The following RGPD5 variants were observed in gnomAD, a reference collection of about 807,000 sequenced individuals.
The protein encoded by RGPD5 is RANBP2 like and GRIP domain containing 5, also known as RANBP2-like and GRIP domain-containing protein 5/6.
chr2:109,764,218 C>T, the RGPD5 span, among the ~76,000 whole-genome samples: 1 of 149,744 alleles, frequency 6.7e-6, no homozygotes, highest in African/African-American at 2.5e-5. Flanking sequence ...GTTCATTCAG[C>T]ACCCGACACT....
chr2:109,794,674 C>G (rs1175854220), intron 1 of RGPD5, 137 bp downstream of exon 1: 1 of 720,992 alleles, frequency 1.4e-6, no homozygotes, highest in Non-Finnish European at 1.6e-6. Context: ...GGCGCTGCTC[C>G]GTGGCGCGCT....
At chr2:109,774,515 A>ATAAAATATATAT in the RGPD5 span, among the ~76,000 whole-genome samples, 1 of 70,014 alleles carries the variant, frequency 1.4e-5, no homozygotes, top group South Asian at 4.7e-4. Context: ...TATATATATA[A>ATAAAATATATAT]TATATATTAT....
At chr2:109,794,614 G>GGGCGGCGGCGGC (rs1176515402) in intron 1 of RGPD5, 77 bp downstream of exon 1, 2 of 72,260 alleles carry the variant, frequency 2.8e-5, no homozygotes, top group Admixed American at 7.8e-4. Context: ...GCGGCGGGGG[G>GGGCGGCGGCGGC]GGCGGCGGCG....
the RGPD5 span, among the ~76,000 whole-genome samples, chr2:109,760,753 G>A: frequency 1.4e-5 from 2 of 144,154 alleles, no homozygotes; most frequent in Admixed American, 7.1e-5. Flanking sequence ...CTCCAGGAAT[G>A]GGACCTCGAG....
At chr2:109,794,573 A>ACCCCGG (rs1676849158) in intron 1 of RGPD5, 36 bp downstream of exon 1, 2 of 14,206 alleles carry the variant, frequency 1.4e-4, no homozygotes, top group South Asian at 4.1e-3. Context: ...GGCGGCCTCG[A>ACCCCGG]CCCGGCCGGG....
the RGPD5 span, among the ~76,000 whole-genome samples, chr2:109,774,513 T>TATATATAA: frequency 1.0e-4 from 7 of 67,112 alleles, no homozygotes; most frequent in Non-Finnish European, 1.5e-4. Flanking sequence ...TATATATATA[T>TATATATAA]AATATATATT....
At chr2:109,765,283 C>T in the RGPD5 span, among the ~76,000 whole-genome samples, 1 of 146,654 alleles carries the variant, frequency 6.8e-6, no homozygotes, top group African/African-American at 2.5e-5. Flanking sequence ...ACCCACCACC[C>T]CTTGAACATG....
chr2:109,778,198 C>T, the RGPD5 span, among the ~76,000 whole-genome samples: 2 of 138,798 alleles, frequency 1.4e-5, no homozygotes, highest in African/African-American at 2.8e-5. Context: ...ATCCCTCATT[C>T]AGGGGGTCAC....
At chr2:109,765,826 G>T in the RGPD5 span, among the ~76,000 whole-genome samples, 1 of 150,996 alleles carries the variant, frequency 6.6e-6, no homozygotes, top group African/African-American at 2.4e-5. Context: ...ACTGCCAGGG[G>T]ACATGCGCAG....
chr2:109,761,906 A>G, the RGPD5 span, among the ~76,000 whole-genome samples: 2 of 151,728 alleles, frequency 1.3e-5, no homozygotes, highest in South Asian at 4.2e-4. Flanking sequence ...TGGTGTGCAC[A>G]TGAATATGCA....
chr2:109,771,534 G>T, the RGPD5 span, among the ~76,000 whole-genome samples: 1 of 68,956 alleles, frequency 1.5e-5, no homozygotes, highest in Non-Finnish European at 2.5e-5. Flanking sequence ...ATTGAAGGTA[G>T]TTCCTTCCCC....
chr2:109,762,720 T>C, the RGPD5 span, among the ~76,000 whole-genome samples: 1 of 96,692 alleles, frequency 1.0e-5, no homozygotes, highest in Middle Eastern at 4.1e-3. Flanking sequence ...AAAAAGTTGA[T>C]GTACGTGCAA....
At chr2:109,765,040 A>G in the RGPD5 span, among the ~76,000 whole-genome samples, 1 of 119,534 alleles carries the variant, frequency 8.4e-6, no homozygotes, top group African/African-American at 3.8e-5. Flanking sequence ...ATTCCTCCAC[A>G]GCTTCATATA....
chr2:109,762,240 CTG>C, the RGPD5 span, among the ~76,000 whole-genome samples: 109 of 145,972 alleles, frequency 7.5e-4, no homozygotes, highest in African/African-American at 2.0e-3. Context: ...CATGTTATGA[CTG>C]TGTAAAAGTT....
At chr2:109,763,265 GTACAT>G in the RGPD5 span, among the ~76,000 whole-genome samples, 49 of 150,588 alleles carry the variant, frequency 3.3e-4, 1 homozygote, top group African/African-American at 1.2e-3. Context: ...ACTGTTCTGA[GTACAT>G]TACATGTTTT....
At chr2:109,766,587 G>A in the RGPD5 span, among the ~76,000 whole-genome samples, 7 of 150,362 alleles carry the variant, frequency 4.7e-5, no homozygotes, top group South Asian at 1.3e-3. Flanking sequence ...AATGTAGGAG[G>A]GTTTTAAAAT....
the RGPD5 span, among the ~76,000 whole-genome samples, chr2:109,778,466 G>A: frequency 4.0e-5 from 6 of 149,880 alleles, no homozygotes; most frequent in African/African-American, 1.5e-4. Flanking sequence ...TGATTTTCTT[G>A]TTAAGAAGGT....
the RGPD5 span, among the ~76,000 whole-genome samples, chr2:109,772,668 C>T: frequency 4.4e-4 from 49 of 112,424 alleles, no homozygotes; most frequent in African/African-American, 1.7e-3. Flanking sequence ...AGGTGATGGC[C>T]TGCATGAGGG....
the RGPD5 span, among the ~76,000 whole-genome samples, chr2:109,766,596 A>G: frequency 6.6e-6 from 1 of 150,564 alleles, no homozygotes; most frequent in Non-Finnish European, 1.5e-5. Flanking sequence ...GGGTTTTAAA[A>G]TGCTAAGAAT....
Sources: allele counts gnomAD v4.1 joint callset (sites outside exome capture counted in the v4.1 genomes callset), GRCh38; gene constraint gnomAD v4.1.1; transcripts MANE v1.5; gene names NCBI Gene and HGNC (gene_info 2026-07-23, HGNC 2026-07-21).